Variants in TRO observed in about 807,000 individuals in gnomAD.
TRO encodes the protein trophinin.
A neutral mutation model predicts 42.3 loss-of-function variants in TRO; 29 were observed. The observed-to-expected ratio is 0.68, with a 90% CI of 0.51 to 0.93. The LOEUF is 0.93. Ranked by LOEUF, TRO falls within the 40% of genes least tolerant of loss-of-function variation. TRO has a pLI of 0.00. For synonymous variants in TRO, 384 were observed against 425.2 expected, an observed-to-expected ratio of 0.90 and a Z score of 1.19; for missense variants, 963 against 1,127.7, an observed-to-expected ratio of 0.85 and a Z score of 2.09.
rs1932245123 is a variant in TRO, at chrX:54,922,713, C to G, written c.181C>G (p.Pro61Ala). ...CAAGGACTCCCTGGCCATGGACCCACCAGTTGTCAACCGGCCTAAGAAAAG... is the reference window on the plus strand; with the variant it reads ...CAAGGACTCCCTGGCCATGGACCCAGCAGTTGTCAACCGGCCTAAGAAAAG... Reference protein sequence around the residue: ...ATKDSLAMDPPVVNRPKKSKT... With the variant: ...ATKDSLAMDPAVVNRPKKSKT... Residue 61 changes from proline to alanine, a missense_variant, in exon 3 of 13, where the codon CCA becomes GCA. Transcript: ENST00000173898. 1.7e-6 allele frequency: 2 copies of G among 1,210,616 alleles called. No homozygotes were observed. The highest frequency in any genetic ancestry group is 1.7e-5 in the African/African-American group (1 of 57,749).
chrX:54,926,475 A>G lies in TRO; in HGVS notation c.1643A>G (p.Asn548Ser). The G allele has an allele frequency of 8.2e-7, 1 of 1,212,123 alleles. No individual in the cohort carries two copies. Among genetic ancestry groups the G allele is most frequent in the Non-Finnish European group, 1.1e-6 (1 of 895,579 alleles). ...VILSVIFMNGNKASEAVIWEV... is the reference protein window; with the variant it reads ...VILSVIFMNGSKASEAVIWEV... ...CTGAGTGTCATTTTTATGAATGGCA[A>G]CAAGGCCAGTGAGGGTGAGTGGCTG... Residue 548 changes from asparagine (N) to serine (S), a missense_variant, in exon 8 of 13, where the codon AAC becomes AGC. Asn to Ser is a conservative substitution (Grantham distance 46). Coordinates refer to ENST00000173898, the MANE Select transcript of TRO (RefSeq NM_001039705.3).
rs760854767 is a variant in TRO at position 54,923,047 on chromosome X, T to C, written c.515T>C (p.Val172Ala). The C allele has an allele frequency of 8.3e-7, 1 of 1,211,686 alleles. No homozygotes were observed. Among genetic ancestry groups the C allele is most frequent in the Non-Finnish European group, 1.1e-6 (1 of 895,535 alleles). ...GTIQLKSPLQVLKLPVISQNI... is the reference protein window; with the variant it reads ...GTIQLKSPLQALKLPVISQNI... The stretch of plus-strand genomic sequence containing the variant: ...ATACAGCTGAAGTCACCCTTGCAGG[T>C]CCTAAAGCTACCAGTCATCTCACAG... The change falls in exon 3 of 13, where the codon GTC becomes GCC. Residue 172 changes from valine to alanine, a missense_variant. By Grantham distance (64) the Val-to-Ala change is moderately conservative. This residue lies in a region of TRO where 322 missense variants were observed against 316.5 expected (regional missense o/e 1.02). Coordinates refer to ENST00000173898, the MANE Select transcript of TRO (RefSeq NM_001039705.3).
chrX:54,926,555 C>A (rs890769441), intron 8 of TRO, 28 bp from the exon 9 acceptor site: 43 of 1,196,756 alleles, frequency 3.6e-5, no homozygotes, highest in Non-Finnish European at 4.7e-5. Context: ...CAATTTCTGT[C>A]CCTGTCTCCT....
Position 54,929,003 on chromosome X carries a change from G to A in TRO, c.2279G>A (p.Gly760Asp). Residue 760 changes from glycine to aspartate, a missense_variant, in exon 12 of 13, where the codon GGT becomes GAT. Gly to Asp is a moderately conservative substitution (Grantham distance 94, BLOSUM62 -1). Coordinates refer to ENST00000173898, the MANE Select transcript of TRO (RefSeq NM_001039705.3). ...GFSGGPGITF[G>D]VAPSTSASFS... The stretch of plus-strand genomic sequence containing the variant: ...AGTGGTGGACCTGGCATTACCTTTG[G>A]TGTTGCACCCAGCACCAGTGCCAGC... 3.3e-6 allele frequency: 4 copies of A among 1,212,316 alleles called. No homozygotes were observed. Among genetic ancestry groups the A allele is most frequent in the Non-Finnish European group, 4.5e-6 (4 of 895,657 alleles).
At chrX:54,922,037 C>G (rs1345921521) in intron 1 of TRO, 166 bp from the exon 2 acceptor site, 8 of 388,944 alleles carry the variant, frequency 2.1e-5, no homozygotes, top group Non-Finnish European at 3.5e-5. Flanking sequence ...CTGACTCTCT[C>G]GGAGGCAAAA....
chrX:54,926,340 T>C, intron 7 of TRO, 70 bp from the exon 8 acceptor site: 1 of 1,067,389 alleles, frequency 9.4e-7, no homozygotes, highest in Non-Finnish European at 1.3e-6. Flanking sequence ...TGCGGATGGC[T>C]GCTGAAACAT....
In TRO at chrX:54,926,456, G is replaced by A; in HGVS notation, c.1624G>A (p.Val542Ile). Residue 542 changes from valine (V) to isoleucine (I), a missense_variant, in exon 8 of 13, where the codon GTC (valine) becomes ATC (isoleucine). Physicochemically the swap from Val to Ile is conservative, Grantham distance 29. Coordinates refer to ENST00000173898, the MANE Select transcript of TRO (RefSeq NM_001039705.3). ...GGGTCTCCTCATGGTGATTCTGAGT[G>A]TCATTTTTATGAATGGCAACAAGGC... ...KLGLLMVILS[V>I]IFMNGNKASE... 8.2e-6 allele frequency: 10 copies of A among 1,212,278 alleles called. No individual in the cohort carries two copies. The highest frequency in any genetic ancestry group is 1.1e-5 in the Non-Finnish European group (10 of 895,645).
chrX:54,927,426 C>T, intron 10 of TRO: 5 of 461,482 alleles, frequency 1.1e-5, no homozygotes, highest in Non-Finnish European at 1.9e-5. Flanking sequence ...ACATCATGCC[C>T]TATACATGTC....
rs754033438 is a variant in TRO at position 54,928,903 on chromosome X, G to A, written c.2179G>A (p.Ala727Thr). ...ASTNVNFSRGASTRAGFSDGA... is the reference protein window; with the variant it reads ...ASTNVNFSRGTSTRAGFSDGA... Reference sequence around the variant, plus strand: ...CACCAACGTCAACTTCAGCAGAGGAGCTAGTACCAGGGCTGGCTTCAGCGA... The same window carrying A: ...CACCAACGTCAACTTCAGCAGAGGAACTAGTACCAGGGCTGGCTTCAGCGA... The change falls in exon 12 of 13, where the codon GCT becomes ACT. Residue 727 changes from alanine (A) to threonine (T), a missense_variant. Coordinates refer to ENST00000173898, the MANE Select transcript of TRO (RefSeq NM_001039705.3). 3 of 1,211,357 alleles carry A rather than the reference G, an allele frequency of 2.5e-6. No individual in the cohort carries two copies. Among genetic ancestry groups the A allele is most frequent in the Non-Finnish European group, 3.4e-6 (3 of 895,119 alleles).
chrX:54,926,957 A>G (rs1405885841), intron 9 of TRO, 86 bp from the exon 10 acceptor site: 2 of 1,058,544 alleles, frequency 1.9e-6, no homozygotes, highest in Admixed American at 4.7e-5. Context: ...CATGTGCTAG[A>G]GAGGTCTCTT....
chrX:54,927,891 T>A, intron 11 of TRO, 110 bp downstream of exon 11: 1 of 543,203 alleles, frequency 1.8e-6, no homozygotes, highest in Non-Finnish European at 3.0e-6. Context: ...AGCTCATATA[T>A]AAACATGTGG....
chrX:54,930,858 C>G lies in TRO; in HGVS notation c.4134C>G (p.Cys1378Trp). The G allele has an allele frequency of 8.3e-7, 1 of 1,210,933 alleles. No individual in the cohort carries two copies. Among genetic ancestry groups the G allele is most frequent in the African/African-American group, 1.7e-5 (1 of 57,525 alleles). Residue 1378 changes from cysteine to tryptophan, a missense_variant, in exon 12 of 13, where the codon TGC (cysteine) becomes TGG (tryptophan). Cys to Trp is a radical substitution (Grantham distance 215, BLOSUM62 -2). This residue lies in a region of TRO where 641 missense variants were observed against 811.3 expected (regional missense o/e 0.79). Coordinates refer to ENST00000173898, the MANE Select transcript of TRO (RefSeq NM_001039705.3). Reference protein sequence around the residue: ...SGGPSTGVGFCSGPSTSGFSG... With the variant: ...SGGPSTGVGFWSGPSTSGFSG... ...GACCAAGCACTGGTGTTGGCTTCTG[C>G]AGTGGACCAAGCACCAGTGGCTTCA...
At chrX:54,922,550 C>T (rs769835182) in intron 2 of TRO, 28 bp from the exon 3 acceptor site, 12 of 1,176,345 alleles carry the variant, frequency 1.0e-5, no homozygotes, top group Non-Finnish European at 1.3e-5. Flanking sequence ...GCCAAATGGC[C>T]CAGAGGATGG....
chrX:54,924,636 G>A, intron 4 of TRO, 34 bp from the exon 5 acceptor site: 1 of 1,207,093 alleles, frequency 8.3e-7, no homozygotes, highest in Non-Finnish European at 1.1e-6. Flanking sequence ...CTGCAAGCAT[G>A]TTAAGATCTC....
intron 12 of TRO, 55 bp from the exon 13 acceptor site, chrX:54,931,149 A>G (rs1237457181): frequency 8.3e-7 from 1 of 1,200,883 alleles, no homozygotes; most frequent in African/African-American, 1.7e-5. Flanking sequence ...TTAAGGAATT[A>G]TGAGAAGACA....
chrX:54,928,489 C>A, intron 11 of TRO, 114 bp from the exon 12 acceptor site: 1 of 914,130 alleles, frequency 1.1e-6, no homozygotes, highest in South Asian at 3.1e-5. Flanking sequence ...CATGATAGAG[C>A]CCCAATAACT....
chrX:54,929,526 C>T lies in TRO; in HGVS notation c.2802C>T (p.Ser934=), dbSNP rs1932920290. Residue 934 remains serine (S), a synonymous_variant, in exon 12 of 13, where the codon AGC becomes AGT. Transcript: ENST00000173898. ...GCACTGGCTTTGGAGGCACACTTAGCACCAGTGTCTCCTTTGGTGGCTCTT... is the reference window on the plus strand; with the variant it reads ...GCACTGGCTTTGGAGGCACACTTAGTACCAGTGTCTCCTTTGGTGGCTCTT... ...CTSTGFGGTL[S]TSVSFGGSSS... 1 of 1,211,875 alleles carries T rather than the reference C, an allele frequency of 8.3e-7. No individual in the cohort carries two copies. Among genetic ancestry groups the T allele is most frequent in the Non-Finnish European group, 1.1e-6 (1 of 895,487 alleles).
intron 1 of TRO, chrX:54,921,845 T>G: frequency 1.5e-5 from 2 of 129,902 alleles, no homozygotes; most frequent in Non-Finnish European, 1.5e-5. Flanking sequence ...AGGGGGCAGA[T>G]GTGGGATTGA....
Position 54,925,008 on chromosome X carries a change from C to T in TRO, c.1425C>T (p.Ile475=), listed in dbSNP as rs1442857319. 8.3e-7 allele frequency: 1 copy of T among 1,209,802 alleles called. No individual in the cohort carries two copies. The highest frequency in any genetic ancestry group is 1.1e-6 in the Non-Finnish European group (1 of 894,871). ...CTACAGACATGCTGAGGGATGTCAT[C>T]CAAGAATATGATGAATATTTCCCAG... ...IKRSDMLRDV[I]QEYDEYFPEI... is the part of the protein sequence containing the mutation. The change falls in exon 6 of 13, where the codon ATC becomes ATT. Residue 475 remains isoleucine, a synonymous_variant. Transcript: ENST00000173898.
Sources: gnomAD v4.1 joint callset for allele counts on GRCh38, gnomAD v4.1.1 for gene constraint, gnomAD v4.1.1 regional missense constraint, MANE v1.5 for transcripts, NCBI Gene and HGNC (gene_info 2026-07-23, HGNC 2026-07-21) for gene names.